The following STXBP5L variants were observed in gnomAD, a reference collection of about 807,000 sequenced individuals.
STXBP5L encodes syntaxin binding protein 5L.
In STXBP5L, 65 loss-of-function variants were observed where a neutral mutation model predicts 144.5. The ratio of observed to expected loss-of-function variants is 0.45; its 90% CI spans 0.37 to 0.55. STXBP5L has a LOEUF of 0.55. STXBP5L is among the 20% of genes least tolerant of loss of function. STXBP5L has a pLI of 0.00. For missense variants in STXBP5L, 1,298 were observed against 1,405.5 expected, an observed-to-expected ratio of 0.92 and a Z score of 1.22; for synonymous variants, 505 against 469.6, an observed-to-expected ratio of 1.08 and a Z score of -0.97.
chr3:121,228,621 A>G (rs1430553787), intron 11 of STXBP5L, among the ~76,000 whole-genome samples: 1 of 152,226 alleles, frequency 6.6e-6, no homozygotes, highest in African/African-American at 2.4e-5. Context: ...TCATGCCTGT[A>G]ATCCCAACAC....
chr3:121,416,737 T>C (rs1282783704), intron 25 of STXBP5L, among the ~76,000 whole-genome samples: 2 of 151,844 alleles, frequency 1.3e-5, no homozygotes, highest in African/African-American at 2.4e-5. Context: ...ACTCCTGACC[T>C]CAGGTGATCT....
At chr3:121,092,771 C>T (rs556941003) in intron 5 of STXBP5L, among the ~76,000 whole-genome samples, 2 of 152,180 alleles carry the variant, frequency 1.3e-5, no homozygotes, top group African/African-American at 4.8e-5. Context: ...ATTTCCTTCT[C>T]CTGTCTAATT....
At chr3:121,341,721 TG>T in intron 20 of STXBP5L, among the ~76,000 whole-genome samples, 1 of 152,144 alleles carries the variant, frequency 6.6e-6, no homozygotes, top group South Asian at 2.1e-4. Context: ...ACAACATGAA[TG>T]GAACTGGGGG....
At chr3:120,951,971 A>G (rs2107690224) in intron 2 of STXBP5L, among the ~76,000 whole-genome samples, 2 of 151,924 alleles carry the variant, frequency 1.3e-5, no homozygotes, top group Middle Eastern at 3.4e-3. Context: ...AATACTATGC[A>G]GCCATAAAAA....
chr3:121,015,970 G>C (rs1945117453), intron 3 of STXBP5L, among the ~76,000 whole-genome samples: 1 of 152,080 alleles, frequency 6.6e-6, no homozygotes, highest in African/African-American at 2.4e-5. Flanking sequence ...ATGCTAACCA[G>C]TCTTCATATA....
At chr3:120,978,228 G>T (rs1321695773) in intron 3 of STXBP5L, among the ~76,000 whole-genome samples, 1 of 152,148 alleles carries the variant, frequency 6.6e-6, no homozygotes, top group South Asian at 2.1e-4. Context: ...ATATTTCTTG[G>T]AGGCTTTGTT....
intron 22 of STXBP5L, among the ~76,000 whole-genome samples, chr3:121,386,303 A>T (rs976981628): frequency 6.6e-6 from 1 of 152,160 alleles, no homozygotes; most frequent in African/African-American, 2.4e-5. Flanking sequence ...CCACCTTATA[A>T]GTGAGAACAT....
chr3:121,297,545 G>C (rs1337258674), intron 19 of STXBP5L, among the ~76,000 whole-genome samples: 3 of 152,130 alleles, frequency 2.0e-5, no homozygotes, highest in Admixed American at 6.5e-5. Flanking sequence ...CCTGAGGTCA[G>C]GAGGTCCAGA....
intron 3 of STXBP5L, among the ~76,000 whole-genome samples, chr3:120,977,696 C>A (rs1344404361): frequency 1.3e-5 from 2 of 152,134 alleles, no homozygotes; most frequent in Admixed American, 6.5e-5. Flanking sequence ...TTGTTTCTTT[C>A]CATGTTTAGT....
At chr3:121,353,496 G>T (rs56254133) in intron 20 of STXBP5L, among the ~76,000 whole-genome samples, 2,230 of 152,180 alleles carry the variant, frequency 0.015, 24 homozygotes, top group Non-Finnish European at 0.022. Context: ...TTCTCCAAAG[G>T]TAGTTTGTGT....
chr3:121,255,464 A>G (rs1320582477), intron 16 of STXBP5L, among the ~76,000 whole-genome samples: 2 of 152,014 alleles, frequency 1.3e-5, no homozygotes, highest in Admixed American at 1.3e-4. Flanking sequence ...ACTCTACAAC[A>G]TGATGTTTTG....
rs147920631 is a variant in STXBP5L, at chr3:121,369,126, A to C, written c.2177-9590A>C. Among the ~76,000 whole-genome samples the C allele has an allele frequency of 1.8e-3, 276 of 152,324 alleles. 1 individual carries two copies. The highest frequency in any genetic ancestry group is 6.3e-3 in the African/African-American group (263 of 41,576). ...AGGAACATGTGCACAGCTGCCTGGC[A>C]GGGGATTGGGAGTGGGGCATAGGTA... On this transcript the variant is annotated intron_variant, in intron 20 of 26. Coordinates refer to ENST00000471454, the MANE Select transcript of STXBP5L (RefSeq NM_001308330.2).
chr3:120,999,338 G>A (rs1036650989), intron 3 of STXBP5L, among the ~76,000 whole-genome samples: 1 of 152,088 alleles, frequency 6.6e-6, no homozygotes, highest in African/African-American at 2.4e-5. Flanking sequence ...CACCTTCCTT[G>A]TTACTTTTGA....
intron 12 of STXBP5L, among the ~76,000 whole-genome samples, chr3:121,235,512 T>A (rs1577272205): frequency 6.6e-6 from 1 of 152,136 alleles, no homozygotes; most frequent in East Asian, 1.9e-4. Flanking sequence ...ATTTTCTCAA[T>A]ATTTCACTTT....
chr3:121,381,159 C>A, intron 21 of STXBP5L, 134 bp from the exon 22 acceptor site: 1 of 847,132 alleles, frequency 1.2e-6, no homozygotes, highest in Non-Finnish European at 1.8e-6. Context: ...ACTGGATAAG[C>A]TCCCTCTCAG....
intron 10 of STXBP5L, among the ~76,000 whole-genome samples, chr3:121,219,889 A>G (rs1237090303): frequency 6.6e-6 from 1 of 152,162 alleles, no homozygotes; most frequent in African/African-American, 2.4e-5. Context: ...GTTAGCATTT[A>G]ATATTTATTA....
At chr3:121,337,076 C>A (rs1035281214) in intron 20 of STXBP5L, among the ~76,000 whole-genome samples, 1 of 152,022 alleles carries the variant, frequency 6.6e-6, no homozygotes, top group African/African-American at 2.4e-5. Flanking sequence ...CAGAGGAAAA[C>A]AGACACTGGG....
At chr3:120,976,997 G>A (rs549275324) in intron 3 of STXBP5L, among the ~76,000 whole-genome samples, 2 of 152,170 alleles carry the variant, frequency 1.3e-5, no homozygotes, top group Admixed American at 6.5e-5. Context: ...GGTGTGGTGT[G>A]GTGCTGAAAA....
At chr3:121,160,565 A>G (rs1270954024) in intron 9 of STXBP5L, among the ~76,000 whole-genome samples, 1 of 152,208 alleles carries the variant, frequency 6.6e-6, no homozygotes, top group African/African-American at 2.4e-5. Context: ...GCCATTTTAT[A>G]TAACAGACTT....
Sources: gnomAD v4.1 joint callset for allele counts (sites outside exome capture counted in the v4.1 genomes callset) on GRCh38, gnomAD v4.1.1 for gene constraint, MANE v1.5 for transcripts, NCBI Gene and HGNC (gene_info 2026-07-23, HGNC 2026-07-21) for gene names.